The following KIF16B variants were observed in gnomAD, a reference collection of about 807,000 sequenced individuals.
KIF16B encodes the protein kinesin-like protein KIF16B.
A neutral mutation model predicts 156.3 loss-of-function variants in KIF16B; 98 were observed. The ratio of observed to expected loss-of-function variants is 0.63; its 90% CI spans 0.53 to 0.74. The LOEUF (loss-of-function observed/expected upper bound fraction) is 0.74, where lower values mean the gene tolerates loss of function less well. Among genes scored for constraint, KIF16B ranks in the 30% least tolerant of loss-of-function variants. The pLI is 0.00. For synonymous variants in KIF16B, 564 were observed against 583.7 expected (o/e 0.97, Z 0.49); for missense variants, 1,421 against 1,606.5 (o/e 0.88, Z 1.97).
chr20:16,364,025 A>C (rs2064605672), intron 22 of KIF16B, among the ~76,000 whole-genome samples: 1 of 152,212 alleles, frequency 6.6e-6, no homozygotes, highest in Non-Finnish European at 1.5e-5. Context: ...AGCATTAATA[A>C]AAGTGGCTCT....
In KIF16B at chr20:16,371,812, C is replaced by T. The variant is rs73898703; in HGVS notation, c.3351-51G>A. On this transcript the variant is annotated intron_variant, in intron 20 of 25. Transcript: ENST00000354981. ...ATCTGACACTTCTAACCACACAGGA[C>T]ATTCTGAGATCCTCTCTTTACTACG... The T allele has an allele frequency of 1.6e-3, 1,998 of 1,242,046 alleles. 11 individuals are homozygous for T. Among genetic ancestry groups the T allele is most frequent in the Middle Eastern group, 9.9e-3 (52 of 5,230 alleles). The allele number at this position is 1,242,046 out of a possible 1,614,324, so 76.9% of individuals were successfully genotyped here. A position where few individuals can be genotyped will look rare whatever the true frequency, so the allele number is the denominator to read the frequency against.
intron 23 of KIF16B, among the ~76,000 whole-genome samples, chr20:16,344,748 C>T (rs780203538): frequency 2.6e-5 from 4 of 152,204 alleles, no homozygotes; most frequent in South Asian, 2.1e-4. Flanking sequence ...GGAAATCCTT[C>T]CAAATTCCAT....
At chr20:16,508,885 CT>C (rs1568620454) in intron 6 of KIF16B, among the ~76,000 whole-genome samples, 1 of 152,110 alleles carries the variant, frequency 6.6e-6, no homozygotes, top group African/African-American at 2.4e-5. Context: ...ATTTTATTAA[CT>C]TTTTTGGAAC....
intron 20 of KIF16B, among the ~76,000 whole-genome samples, chr20:16,372,166 A>G (rs1271932780): frequency 6.6e-6 from 1 of 152,222 alleles, no homozygotes; most frequent in Non-Finnish European, 1.5e-5. Flanking sequence ...GATAATACAG[A>G]TGATAGTTAT....
chr20:16,358,717 G>C (rs1301712635), intron 22 of KIF16B, among the ~76,000 whole-genome samples: 1 of 152,202 alleles, frequency 6.6e-6, no homozygotes, highest in Non-Finnish European at 1.5e-5. Context: ...GTTGTGATGG[G>C]GGAATGGAGT....
At chr20:16,405,904 G>A (rs1278071171) in intron 16 of KIF16B, among the ~76,000 whole-genome samples, 6 of 151,982 alleles carry the variant, frequency 3.9e-5, no homozygotes, top group African/African-American at 1.5e-4. Flanking sequence ...TAAACGTCCT[G>A]CCCTTTAGAC....
At chr20:16,491,062 A>T (rs2068274374) in intron 12 of KIF16B, among the ~76,000 whole-genome samples, 1 of 152,358 alleles carries the variant, frequency 6.6e-6, no homozygotes, top group South Asian at 2.1e-4. Context: ...AGCACAAAGG[A>T]AAAGAAAATT....
At chr20:16,505,340 C>A (rs73241992) in intron 9 of KIF16B, among the ~76,000 whole-genome samples, 2,821 of 151,650 alleles carry the variant, frequency 0.019, 84 homozygotes, top group African/African-American at 0.065. Flanking sequence ...TTTTTTTTCC[C>A]CTCCCAATTC....
chr20:16,502,791 ATAAAAGGT>A (rs2068663488), intron 10 of KIF16B, among the ~76,000 whole-genome samples: 1 of 152,228 alleles, frequency 6.6e-6, no homozygotes, highest in Non-Finnish European at 1.5e-5. Context: ...TTTTAACCTA[ATAAAAGGT>A]TAAGCACAAG....
chr20:16,292,468 G>A (rs968739385), intron 25 of KIF16B, among the ~76,000 whole-genome samples: 2 of 152,172 alleles, frequency 1.3e-5, no homozygotes, highest in African/African-American at 4.8e-5. Flanking sequence ...CAGTTTACAC[G>A]GGCAACAAAA....
At chr20:16,302,615 G>A (rs1248576453) in intron 25 of KIF16B, among the ~76,000 whole-genome samples, 1 of 152,180 alleles carries the variant, frequency 6.6e-6, no homozygotes, top group East Asian at 1.9e-4. Flanking sequence ...CATCCTAACA[G>A]TGTTGAGTCT....
At chr20:16,359,296 G>A (rs1238707579) in intron 22 of KIF16B, among the ~76,000 whole-genome samples, 1 of 152,102 alleles carries the variant, frequency 6.6e-6, no homozygotes, top group Non-Finnish European at 1.5e-5. Flanking sequence ...TTGTGATAAT[G>A]AGTGAGTTCT....
intron 24 of KIF16B, among the ~76,000 whole-genome samples, chr20:16,319,530 G>A (rs374445328): frequency 1.3e-4 from 20 of 152,182 alleles, no homozygotes; most frequent in African/African-American, 4.1e-4. Flanking sequence ...GCAAACTACT[G>A]CCCTCAGACT....
At chr20:16,480,971 A>G (rs34671406) in intron 12 of KIF16B, among the ~76,000 whole-genome samples, 8,663 of 152,198 alleles carry the variant, frequency 0.057, 267 homozygotes, top group African/African-American at 0.083. Context: ...ATTTGATTCT[A>G]TGAACCTACA....
At chr20:16,343,439 C>T (rs141900492) in intron 23 of KIF16B, among the ~76,000 whole-genome samples, 154 of 152,218 alleles carry the variant, frequency 1.0e-3, no homozygotes, top group African/African-American at 3.5e-3. Flanking sequence ...CAACCAGCTG[C>T]CTTTACAGTT....
chr20:16,564,714 T>A (rs6135798), intron 1 of KIF16B, among the ~76,000 whole-genome samples: 74,124 of 151,450 alleles, frequency 0.49, 18,578 homozygotes, highest in African/African-American at 0.6. Flanking sequence ...CAACCTCTGC[T>A]TAGATGAACG....
At chr20:16,489,494 C>T (rs1367196990) in intron 12 of KIF16B, among the ~76,000 whole-genome samples, 1 of 152,098 alleles carries the variant, frequency 6.6e-6, no homozygotes, top group African/African-American at 2.4e-5. Flanking sequence ...CCCAGGAATT[C>T]AAGACCAGCC....
At chr20:16,449,905 T>C (rs1390773570) in intron 12 of KIF16B, among the ~76,000 whole-genome samples, 4 of 152,124 alleles carry the variant, frequency 2.6e-5, no homozygotes, top group African/African-American at 4.8e-5. Flanking sequence ...ACCAGAAATA[T>C]AGTTTTTAAT....
Position 16,466,575 on chromosome 20 carries a change from C to T in KIF16B, c.1302+27716G>A, listed in dbSNP as rs570896161. On this transcript the variant is annotated intron_variant, in intron 12 of 25. Transcript: ENST00000354981. ...CCTACACATGCTCTCTTGCCTGCTG[C>T]CATGTAAGACGTGACTTTGCTCCTC... 2.0e-5 allele frequency among the ~76,000 whole-genome samples: 3 copies of T among 152,320 alleles called. No homozygotes were observed. The South Asian group carries it at 6.2e-4, about 32-fold the overall frequency.
Sources: gnomAD v4.1 joint callset for allele counts (sites outside exome capture counted in the v4.1 genomes callset) on GRCh38, gnomAD v4.1.1 for gene constraint, MANE v1.5 for transcripts, NCBI Gene and HGNC (gene_info 2026-07-23, HGNC 2026-07-21) for gene names.